ANKH: variants seen among roughly 807,000 people sequenced by gnomAD.
ANKH encodes ANKH inorganic pyrophosphate transport regulator.
In ANKH, 15 loss-of-function variants were observed where a neutral mutation model predicts 49.0. The observed-to-expected ratio is 0.31, with a 90% CI of 0.20 to 0.47. The LOEUF (loss-of-function observed/expected upper bound fraction) is 0.47, where lower values mean the gene tolerates loss of function less well. Ranked by LOEUF, ANKH falls within the 20% of genes least tolerant of loss-of-function variation. ANKH has a pLI of 1.00. For synonymous variants in ANKH, 273 were observed against 260.0 expected (o/e 1.05, Z -0.48); for missense variants, 429 against 652.0 (o/e 0.66, Z 3.72).
At chr5:14,815,596 C>T (rs934324993) in intron 1 of ANKH, among the ~76,000 whole-genome samples, 1 of 152,206 alleles carries the variant, frequency 6.6e-6, no homozygotes, top group African/African-American at 2.4e-5. Context: ...TAGTTATTTG[C>T]TTCTTGTGCC....
intron 1 of ANKH, among the ~76,000 whole-genome samples, chr5:14,837,970 G>T (rs1741704065): frequency 6.6e-6 from 1 of 152,152 alleles, no homozygotes; most frequent in Admixed American, 6.5e-5. Flanking sequence ...GTAGGGACAT[G>T]GATAAGGCTG....
At chr5:14,852,850 T>A (rs1219357668) in intron 1 of ANKH, among the ~76,000 whole-genome samples, 1 of 152,146 alleles carries the variant, frequency 6.6e-6, no homozygotes, top group Non-Finnish European at 1.5e-5. Flanking sequence ...CAGCAGAGAA[T>A]AGGTATCCTG....
intron 8 of ANKH, chr5:14,724,425 T>C (rs1737762225): frequency 2.6e-6 from 1 of 391,136 alleles, no homozygotes; most frequent in Admixed American, 6.4e-5. Context: ...CTTTTATTTC[T>C]AAATCTGTGT....
chr5:14,823,942 A>G (rs1352668960), intron 1 of ANKH, among the ~76,000 whole-genome samples: 1 of 152,060 alleles, frequency 6.6e-6, no homozygotes, highest in African/African-American at 2.4e-5. Context: ...AAAACAAACA[A>G]ACAAACAAAT....
At chr5:14,825,349 T>C (rs1376763323) in intron 1 of ANKH, among the ~76,000 whole-genome samples, 1 of 152,192 alleles carries the variant, frequency 6.6e-6, no homozygotes, top group Non-Finnish European at 1.5e-5. Flanking sequence ...CTTGGTGATT[T>C]TCTTTCTTTT....
chr5:14,840,125 T>C (rs1470195431), intron 1 of ANKH, among the ~76,000 whole-genome samples: 2 of 152,218 alleles, frequency 1.3e-5, no homozygotes, highest in East Asian at 1.9e-4. Flanking sequence ...GGATGGAAGA[T>C]AACATTTGCT....
At chr5:14,792,941 C>T (rs1740215503) in intron 1 of ANKH, among the ~76,000 whole-genome samples, 1 of 139,544 alleles carries the variant, frequency 7.2e-6, no homozygotes, top group African/African-American at 2.7e-5. Context: ...TATGCCACCA[C>T]ACTCCAGCCT....
At chr5:14,839,196 C>A (rs1029958723) in intron 1 of ANKH, among the ~76,000 whole-genome samples, 8 of 152,106 alleles carry the variant, frequency 5.3e-5, no homozygotes, top group Admixed American at 1.3e-4. Context: ...ACAGCACTCA[C>A]AATCTTCACA....
In ANKH at chr5:14,749,152, A is replaced by G; in HGVS notation, c.822+20T>C. ...CCACCAAGGTGATCATAAGCCCCAC[A>G]TCCCCAAAGCATGGCCCACCTCTGT... On this transcript the variant is annotated intron_variant, in intron 6 of 11. Coordinates refer to ENST00000284268, the MANE Select transcript of ANKH (RefSeq NM_054027.6). 1 of 1,613,946 alleles carries G rather than the reference A, an allele frequency of 6.2e-7. No individual in the cohort carries two copies. The highest frequency in any genetic ancestry group is 2.2e-5 in the East Asian group (1 of 44,882).
At chr5:14,870,959 A>T (rs1328676064) in intron 1 of ANKH, 1 of 363,290 alleles carries the variant, frequency 2.8e-6, no homozygotes. Context: ...TATAAAACAG[A>T]ATCTCCCCAC....
At chr5:14,823,906 G>T (rs1741264853) in intron 1 of ANKH, among the ~76,000 whole-genome samples, 3 of 152,040 alleles carry the variant, frequency 2.0e-5, no homozygotes, top group Admixed American at 2.0e-4. Context: ...CTCCAGCCTG[G>T]GTGACAAAGA....
intron 6 of ANKH, among the ~76,000 whole-genome samples, chr5:14,748,047 G>A (rs1400694735): frequency 1.3e-5 from 2 of 152,132 alleles, no homozygotes; most frequent in Non-Finnish European, 2.9e-5. Context: ...ATATGCCATC[G>A]AGAGCAATTT....
intron 1 of ANKH, among the ~76,000 whole-genome samples, chr5:14,849,454 CTATT>C (rs1742063593): frequency 6.6e-6 from 1 of 152,266 alleles, no homozygotes; most frequent in Non-Finnish European, 1.5e-5. Context: ...GGTTCTTAAA[CTATT>C]TATTAGATAG....
intron 2 of ANKH, among the ~76,000 whole-genome samples, chr5:14,764,002 T>C (rs1739177583): frequency 6.6e-6 from 1 of 151,982 alleles, no homozygotes; most frequent in Non-Finnish European, 1.5e-5. Flanking sequence ...GGCAGGAGAA[T>C]GCCTGAGCCT....
chr5:14,833,398 G>A (rs574057958), intron 1 of ANKH, among the ~76,000 whole-genome samples: 1 of 152,252 alleles, frequency 6.6e-6, no homozygotes, highest in East Asian at 1.9e-4. Flanking sequence ...ATGGGAATGG[G>A]TAATAGACTA....
chr5:14,812,664 A>G (rs1047470805), intron 1 of ANKH, among the ~76,000 whole-genome samples: 1 of 152,158 alleles, frequency 6.6e-6, no homozygotes, highest in African/African-American at 2.4e-5. Context: ...CTGATATCTG[A>G]TCACCCTTGA....
chr5:14,777,471 C>G (rs771479449), intron 1 of ANKH, among the ~76,000 whole-genome samples: 3 of 152,146 alleles, frequency 2.0e-5, no homozygotes, highest in Non-Finnish European at 4.4e-5. Flanking sequence ...ATAACCTCCA[C>G]GGAAATGTTT....
At chr5:14,826,698 TTGAC>T (rs1324315910) in intron 1 of ANKH, among the ~76,000 whole-genome samples, 1 of 152,242 alleles carries the variant, frequency 6.6e-6, no homozygotes, top group African/African-American at 2.4e-5. Context: ...ACACTGGAAT[TTGAC>T]TGTTGCATGC....
At chr5:14,805,244 C>T (rs1740668981) in intron 1 of ANKH, among the ~76,000 whole-genome samples, 2 of 151,616 alleles carry the variant, frequency 1.3e-5, no homozygotes, top group South Asian at 2.1e-4. Context: ...TGCTTCCTGC[C>T]CTCGAACATC....
Sources: gnomAD v4.1 joint callset for allele counts (sites outside exome capture counted in the v4.1 genomes callset) on GRCh38, gnomAD v4.1.1 for gene constraint, MANE v1.5 for transcripts, NCBI Gene and HGNC (gene_info 2026-07-23, HGNC 2026-07-21) for gene names.